Variants in YTHDC1 observed in about 807,000 individuals in gnomAD.
YTHDC1 encodes the protein YTH domain-containing protein 1.
Under a neutral mutation model 107.0 loss-of-function variants are expected in YTHDC1, and 12 were observed. The observed-to-expected ratio is 0.11, with a 90% CI of 0.07 to 0.18. YTHDC1 has a LOEUF of 0.18. YTHDC1 is among the 10% of genes least tolerant of loss of function. The pLI is 1.00. For synonymous variants in YTHDC1, 280 were observed against 289.5 expected (o/e 0.97, Z 0.33); for missense variants, 635 against 898.8 (o/e 0.71, Z 3.75).
Position 68,322,582 on chromosome 4 carries a change from A to G in YTHDC1, c.1601+167T>C. On this transcript the variant is annotated intron_variant, in intron 11 of 16. Coordinates refer to ENST00000344157, the MANE Select transcript of YTHDC1 (RefSeq NM_001031732.4). This position sits in a 1 kb window ranked among gnomAD's most constrained non-coding sequence, Gnocchi z 4.8. ...TCCTCTTGAAAAATGACTGAGACCAAGGTGACCATGTGAAATCCTCAATGA... is the reference window on the plus strand; with the variant it reads ...TCCTCTTGAAAAATGACTGAGACCAGGGTGACCATGTGAAATCCTCAATGA... The G allele has an allele frequency of 1.3e-6, 1 of 769,618 alleles. No individual in the cohort carries two copies. Among genetic ancestry groups the G allele is most frequent in the South Asian group, 2.4e-5 (1 of 41,730 alleles). The allele number at this position is 769,618 out of a possible 1,614,324, so 47.7% of individuals were successfully genotyped here. A position where few individuals can be genotyped will look rare whatever the true frequency, so the allele number is the denominator to read the frequency against.
rs755153670 is a variant in YTHDC1, at chr4:68,337,700, C to G, written c.331G>C (p.Ala111Pro). 6.2e-7 allele frequency: 1 copy of G among 1,614,110 alleles called. No individual in the cohort carries two copies. Among genetic ancestry groups the G allele is most frequent in the Non-Finnish European group, 8.5e-7 (1 of 1,180,026 alleles). ...QRSERNKRLD[A>P]DRKIRLSSSA... Reference sequence around the variant, plus strand: ...CTTGATAGACGAATTTTCCGATCAGCATCTAGACGCTTGTTTCTTTCAGAT... The same window carrying G: ...CTTGATAGACGAATTTTCCGATCAGGATCTAGACGCTTGTTTCTTTCAGAT... The change falls in exon 3 of 17, where the codon GCT (alanine) becomes CCT (proline). Residue 111 changes from alanine (A) to proline (P), a missense_variant. Transcript: ENST00000344157.
chr4:68,347,291 A>G (rs902858006), intron 1 of YTHDC1, among the ~76,000 whole-genome samples: 1 of 152,244 alleles, frequency 6.6e-6, no homozygotes, highest in Non-Finnish European at 1.5e-5. Flanking sequence ...AATTTATACA[A>G]GGTGTTTGCA....
At chr4:68,317,600 A>C (rs980482384) in intron 15 of YTHDC1, among the ~76,000 whole-genome samples, 1 of 152,210 alleles carries the variant, frequency 6.6e-6, no homozygotes, top group African/African-American at 2.4e-5. Context: ...TCTTAAAGGA[A>C]ATAATTAAAA....
chr4:68,323,564 C>T lies in YTHDC1; in HGVS notation c.1434+575G>A, dbSNP rs534382122. ...CAAAATGGTGAAACCCTGTCTCGAC[C>T]GAAAATACAAAAATTAGCCACTCTC... On this transcript the variant is annotated intron_variant, in intron 10 of 16. Coordinates refer to ENST00000344157, the MANE Select transcript of YTHDC1 (RefSeq NM_001031732.4). 6.6e-5 allele frequency among the ~76,000 whole-genome samples: 10 copies of T among 151,518 alleles called. No homozygotes were observed. The South Asian group carries it at 1.5e-3, about 22-fold the overall frequency.
At position 68,312,093 on chromosome 4, in the gene YTHDC1, C is replaced by T. The variant is rs922371751; in HGVS notation, c.*2006G>A. ...GCCAAGATCATGCCACTGCCCTCCACCTGGGCGACAGACTCCATCTCCAAA... is the reference window on the plus strand; with the variant it reads ...GCCAAGATCATGCCACTGCCCTCCATCTGGGCGACAGACTCCATCTCCAAA... On this transcript the variant is annotated 3_prime_UTR_variant, in exon 17 of 17. Coordinates refer to ENST00000344157, the MANE Select transcript of YTHDC1 (RefSeq NM_001031732.4). 11 of 152,062 alleles carry T rather than the reference C, an allele frequency of 7.2e-5. No individual in the cohort carries two copies. Among genetic ancestry groups the T allele is most frequent in the African/African-American group, 2.7e-4 (11 of 41,406 alleles). 9.4% of individuals were successfully genotyped at this position (152,062 alleles called of 1,614,324 possible). A position where few individuals can be genotyped will look rare whatever the true frequency, so the allele number is the denominator to read the frequency against.
chr4:68,340,127 G>T (rs1724651195), intron 1 of YTHDC1, among the ~76,000 whole-genome samples: 1 of 152,064 alleles, frequency 6.6e-6, no homozygotes, highest in South Asian at 2.1e-4. Flanking sequence ...TTACAGAAAG[G>T]TCTATTAATT....
intron 1 of YTHDC1, among the ~76,000 whole-genome samples, chr4:68,341,707 T>C (rs901540398): frequency 6.6e-6 from 1 of 152,174 alleles, no homozygotes; most frequent in Non-Finnish European, 1.5e-5. Flanking sequence ...TTTAAGTACT[T>C]TTCTCCATCA....
intron 16 of YTHDC1, among the ~76,000 whole-genome samples, chr4:68,315,082 C>CA (rs1227831028): frequency 1.3e-5 from 2 of 151,962 alleles, no homozygotes; most frequent in African/African-American, 2.4e-5. Context: ...TTGAGGAAAA[C>CA]AAAAAAATCT....
intron 1 of YTHDC1, among the ~76,000 whole-genome samples, chr4:68,342,502 CTGTTGACAGA>C (rs1340146118): frequency 6.6e-6 from 1 of 152,166 alleles, no homozygotes; most frequent in Non-Finnish European, 1.5e-5. Context: ...ATTCCAATCA[CTGTTGACAGA>C]AGTGTCATAC....
chr4:68,325,148 G>C (rs933853540), intron 9 of YTHDC1, among the ~76,000 whole-genome samples: 1 of 152,174 alleles, frequency 6.6e-6, no homozygotes, highest in African/African-American at 2.4e-5. Flanking sequence ...TTCAGCCAAA[G>C]TACATACAAA....
chr4:68,332,300 T>C, intron 6 of YTHDC1, 103 bp from the exon 7 acceptor site: 6 of 635,850 alleles, frequency 9.4e-6, no homozygotes, highest in Non-Finnish European at 1.5e-5. Context: ...CCAGCTAAAC[T>C]TTTAAAACGC....
chr4:68,340,682 T>C (rs1490602095), intron 1 of YTHDC1, among the ~76,000 whole-genome samples: 1 of 152,068 alleles, frequency 6.6e-6, no homozygotes, highest in East Asian at 1.9e-4. Flanking sequence ...AATACATTTG[T>C]AGAAGACAAA....
At chr4:68,314,490 T>C (rs1176510989) in intron 16 of YTHDC1, among the ~76,000 whole-genome samples, 167 bp from the exon 17 acceptor site, 2 of 152,314 alleles carry the variant, frequency 1.3e-5, no homozygotes, top group Middle Eastern at 3.4e-3. Context: ...CAATAATAAA[T>C]TAATTCACAG....
intron 10 of YTHDC1, 129 bp downstream of exon 10, chr4:68,324,005 TTCAGA>T (rs1722710767): frequency 1.4e-6 from 1 of 732,956 alleles, no homozygotes; most frequent in African/African-American, 1.8e-5. Flanking sequence ...TATTATAAAC[TTCAGA>T]TAAGATTATT....
In YTHDC1 at chr4:68,316,319, G is replaced by A; in HGVS notation, c.1954C>T (p.Arg652Ter). The change falls in exon 16 of 17, where the codon CGA becomes TGA. Residue 652 changes from arginine (R) to a stop codon, truncating the protein, a stop_gained. Coordinates refer to ENST00000344157, the MANE Select transcript of YTHDC1 (RefSeq NM_001031732.4). LOFTEE classifies it high-confidence loss of function. Reference protein sequence around the residue: ...VPHEARYRDKRVHDYDMRVDD... With the variant: ...VPHEARYRDK ...TTGCCTCCTTGTGCACTTACTACTC[G>A]TTTATCTCTGTATCTTGCTTCATGT... The A allele has an allele frequency of 6.2e-7, 1 of 1,611,420 alleles. No individual in the cohort carries two copies. Among genetic ancestry groups the A allele is most frequent in the Non-Finnish European group, 8.5e-7 (1 of 1,178,692 alleles).
chr4:68,324,302 T>C (rs1722746151), intron 9 of YTHDC1, 79 bp from the exon 10 acceptor site: 3 of 1,242,668 alleles, frequency 2.4e-6, no homozygotes, highest in African/African-American at 1.5e-5. Context: ...AGTGAATTCC[T>C]GTATTAACTG....
chr4:68,338,746 A>T (rs888008998), intron 1 of YTHDC1, among the ~76,000 whole-genome samples: 1 of 152,186 alleles, frequency 6.6e-6, no homozygotes, highest in Non-Finnish European at 1.5e-5. Context: ...GCTACTCAGA[A>T]GGCTCAGGGA....
intron 4 of YTHDC1, among the ~76,000 whole-genome samples, chr4:68,334,240 G>C (rs1723911975): frequency 6.6e-6 from 1 of 151,588 alleles, no homozygotes; most frequent in Non-Finnish European, 1.5e-5. Flanking sequence ...AAGGGAATAG[G>C]AAGAAAAAAA....
At chr4:68,348,048 T>C (rs1441972189) in intron 1 of YTHDC1, among the ~76,000 whole-genome samples, 1 of 152,242 alleles carries the variant, frequency 6.6e-6, no homozygotes, top group African/African-American at 2.4e-5. Context: ...TGGGGAAATG[T>C]ATCCTATGTA....
Sources: allele counts gnomAD v4.1 joint callset (sites outside exome capture counted in the v4.1 genomes callset), GRCh38; gene constraint gnomAD v4.1.1; non-coding constraint Gnocchi (gnomAD v3.1); transcripts MANE v1.5; gene names NCBI Gene and HGNC (gene_info 2026-07-23, HGNC 2026-07-21).